Variants in PRKG1 observed in about 807,000 individuals in gnomAD.
PRKG1 encodes the protein protein kinase cGMP-dependent 1, also known as cGMP-dependent protein kinase 1.
PRKG1 carries 35 observed loss-of-function variants against 88.1 expected under a neutral mutation model. The ratio of observed to expected loss-of-function variants is 0.40; its 90% CI spans 0.30 to 0.53. The LOEUF (loss-of-function observed/expected upper bound fraction) is 0.53, where lower values mean the gene tolerates loss of function less well. PRKG1 is among the 20% of genes least tolerant of loss of function. The pLI is 0.59. For synonymous variants in PRKG1, 303 were observed against 292.5 expected (o/e 1.04, Z -0.37); for missense variants, 540 against 839.8 (o/e 0.64, Z 4.41).
At chr10:51,986,718 A>G (rs1488878240) in intron 5 of PRKG1, among the ~76,000 whole-genome samples, 3 of 152,188 alleles carry the variant, frequency 2.0e-5, no homozygotes, top group African/African-American at 4.8e-5. Context: ...ATTAGAAGTG[A>G]AACCTCAGCT....
intron 1 of PRKG1, among the ~76,000 whole-genome samples, chr10:51,128,252 G>A (rs146040272): frequency 8.4e-4 from 127 of 151,060 alleles, no homozygotes; most frequent in Middle Eastern, 3.4e-3. Context: ...ATATCAATTC[G>A]CTATCTAATT....
At chr10:52,266,526 C>G (rs1243768747) in intron 10 of PRKG1, among the ~76,000 whole-genome samples, 1 of 152,018 alleles carries the variant, frequency 6.6e-6, no homozygotes, top group African/African-American at 2.4e-5. Flanking sequence ...CAGCTCCATC[C>G]ATGTCCCTGC....
chr10:51,773,568 A>C (rs983471865), intron 3 of PRKG1, among the ~76,000 whole-genome samples: 15 of 152,134 alleles, frequency 9.9e-5, no homozygotes, highest in African/African-American at 3.6e-4. Context: ...GATCAAAACC[A>C]GAACAAACCT....
chr10:51,007,446 C>A (rs1366770145), intron 1 of PRKG1, among the ~76,000 whole-genome samples: 1 of 152,106 alleles, frequency 6.6e-6, no homozygotes, highest in African/African-American at 2.4e-5. Flanking sequence ...GATAAATTAA[C>A]AGGGATTACA....
intron 5 of PRKG1, among the ~76,000 whole-genome samples, chr10:52,042,141 C>T (rs1024591601): frequency 3.3e-5 from 5 of 151,948 alleles, no homozygotes; most frequent in African/African-American, 7.3e-5. Context: ...GTTGAAATGC[C>T]CATCTACCCA....
chr10:51,830,251 A>G (rs1245491581), intron 4 of PRKG1, among the ~76,000 whole-genome samples: 1 of 152,106 alleles, frequency 6.6e-6, no homozygotes, highest in African/African-American at 2.4e-5. Context: ...AATATTTAAC[A>G]CTATTTTCAC....
intron 3 of PRKG1, among the ~76,000 whole-genome samples, chr10:51,478,275 G>T (rs571689305): frequency 6.6e-6 from 1 of 152,158 alleles, no homozygotes; most frequent in South Asian, 2.1e-4. Flanking sequence ...GACAAAAGTA[G>T]ATTGTATCTT....
chr10:51,977,729 A>C (rs558125756), intron 5 of PRKG1, among the ~76,000 whole-genome samples: 1 of 151,886 alleles, frequency 6.6e-6, no homozygotes, highest in Admixed American at 6.6e-5. Flanking sequence ...AGTGATACTG[A>C]GCTTTTTTTT....
At chr10:51,867,632 C>T (rs758855396) in intron 4 of PRKG1, among the ~76,000 whole-genome samples, 9 of 152,112 alleles carry the variant, frequency 5.9e-5, no homozygotes, top group Non-Finnish European at 7.4e-5. Context: ...GCTTGGGTAA[C>T]TGTCGGAGGT....
chr10:51,402,749 A>C (rs1472511198), intron 2 of PRKG1, among the ~76,000 whole-genome samples: 1 of 152,188 alleles, frequency 6.6e-6, no homozygotes, highest in African/African-American at 2.4e-5. Flanking sequence ...AAGAAAAACT[A>C]AAGTAAATGC....
chr10:51,517,558 T>G lies in PRKG1; in HGVS notation c.592+49722T>G, dbSNP rs527841857. 1.4e-4 allele frequency among the ~76,000 whole-genome samples: 22 copies of G among 152,304 alleles called. No individual in the cohort carries two copies. The South Asian group carries it at 4.6e-3, about 32-fold the overall frequency. Reference sequence around the variant, plus strand: ...CCCCAAGATTGACAAGACAGAAAGATCAGAAAGGCATTGACATTTTCCATC... The same window carrying G: ...CCCCAAGATTGACAAGACAGAAAGAGCAGAAAGGCATTGACATTTTCCATC... On this transcript the variant is annotated intron_variant, in intron 3 of 17. Coordinates refer to ENST00000373980, the MANE Select transcript of PRKG1 (RefSeq NM_006258.4).
At chr10:51,602,546 CT>C (rs1261866558) in intron 3 of PRKG1, among the ~76,000 whole-genome samples, 2 of 151,782 alleles carry the variant, frequency 1.3e-5, no homozygotes, top group East Asian at 3.9e-4. Flanking sequence ...CTGCGTCAGC[CT>C]CGTGAGTAGC....
At chr10:51,132,669 C>A (rs917384007) in intron 1 of PRKG1, among the ~76,000 whole-genome samples, 2 of 147,736 alleles carry the variant, frequency 1.4e-5, no homozygotes, top group African/African-American at 2.5e-5. Context: ...GACATCAGCA[C>A]GTACATACCG....
chr10:51,954,090 A>C (rs1428880997), intron 5 of PRKG1, among the ~76,000 whole-genome samples: 1 of 152,178 alleles, frequency 6.6e-6, no homozygotes, highest in Non-Finnish European at 1.5e-5. Flanking sequence ...TTCCAGTGGA[A>C]TCATAAGTGC....
intron 1 of PRKG1, among the ~76,000 whole-genome samples, chr10:51,101,198 C>T (rs931559407): frequency 6.6e-6 from 1 of 152,072 alleles, no homozygotes; most frequent in African/African-American, 2.4e-5. Flanking sequence ...TAAATGACAT[C>T]ATAAAGGTGA....
In PRKG1 at chr10:52,228,627, A is replaced by G. The variant is rs139339149; in HGVS notation, c.1077-22943A>G. On this transcript the variant is annotated intron_variant, in intron 9 of 17. Transcript: ENST00000373980. ...ATGAAATTATATGAAAGGATATGGC[A>G]CAGTGCCAGGCACGTAAGTAGCTGC... Among the ~76,000 whole-genome samples the G allele has an allele frequency of 1.5e-3, 225 of 152,336 alleles. 1 individual carries two copies. The highest frequency in any genetic ancestry group is 5.3e-3 in the African/African-American group (219 of 41,574).
chr10:52,101,000 G>A (rs1329812213), intron 7 of PRKG1, among the ~76,000 whole-genome samples: 8 of 152,080 alleles, frequency 5.3e-5, no homozygotes, highest in Admixed American at 1.3e-4. Flanking sequence ...AATTTCTGTG[G>A]CCAAGGCAAT....
intron 3 of PRKG1, among the ~76,000 whole-genome samples, chr10:51,611,953 A>C (rs902012806): frequency 2.6e-5 from 4 of 151,816 alleles, no homozygotes; most frequent in African/African-American, 4.8e-5. Context: ...CTATAAATAT[A>C]TCGATTTATT....
intron 5 of PRKG1, chr10:52,046,610 G>A (rs545533430): frequency 5.0e-4 from 76 of 152,234 alleles, no homozygotes; most frequent in African/African-American, 1.8e-3. Context: ...TTGCAGAAAA[G>A]AACATGGCAT....
Sources: allele counts gnomAD v4.1 joint callset (sites outside exome capture counted in the v4.1 genomes callset), GRCh38; gene constraint gnomAD v4.1.1; transcripts MANE v1.5; gene names NCBI Gene and HGNC (gene_info 2026-07-23, HGNC 2026-07-21).